The following EXOC1 variants were observed in gnomAD, a reference collection of about 807,000 sequenced individuals.
EXOC1 encodes the protein exocyst complex component 1.
A neutral mutation model predicts 107.7 loss-of-function variants in EXOC1; 67 were observed. The observed-to-expected ratio is 0.62, with a 90% CI of 0.51 to 0.76. The LOEUF (loss-of-function observed/expected upper bound fraction) is 0.76. Ranked by LOEUF, EXOC1 falls within the 30% of genes least tolerant of loss-of-function variation. The pLI, the probability that EXOC1 is intolerant of heterozygous loss-of-function variation, is 0.00. For missense variants in EXOC1, 833 were observed against 1,055.7 expected, an observed-to-expected ratio of 0.79 and a Z score of 2.92; for synonymous variants, 348 against 353.5, an observed-to-expected ratio of 0.98 and a Z score of 0.17.
intron 18 of EXOC1, among the ~76,000 whole-genome samples, chr4:55,902,846 C>T (rs1726129158): frequency 6.6e-6 from 1 of 151,918 alleles, no homozygotes; most frequent in Admixed American, 6.6e-5. Context: ...AATCTGGCTC[C>T]AGATTAAGCT....
intron 13 of EXOC1, 161 bp from the exon 14 acceptor site, chr4:55,892,474 A>C: frequency 1.6e-6 from 1 of 610,696 alleles, no homozygotes. Flanking sequence ...TAAATAGCAT[A>C]CTAAATTATA....
In EXOC1 at chr4:55,902,511, T is replaced by C; in HGVS notation, c.2505T>C (p.His835=). Residue 835 remains histidine, a synonymous_variant, in exon 18 of 19, where the codon CAT becomes CAC. Coordinates refer to ENST00000381295, the MANE Select transcript of EXOC1 (RefSeq NM_001024924.2). The stretch of plus-strand genomic sequence containing the variant: ...ACCTCTACAAGAAAGTTGATAAACA[T>C]TTATGTGAAGAAGAGAACTTACTTC... ...LDNLYKKVDK[H]LCEEENLLQV... 6.5e-7 allele frequency: 1 copy of C among 1,547,980 alleles called. No homozygotes were observed. The highest frequency in any genetic ancestry group is 8.7e-7 in the Non-Finnish European group (1 of 1,154,916).
chr4:55,873,313 C>G (rs1037695012), intron 8 of EXOC1, among the ~76,000 whole-genome samples: 2 of 152,008 alleles, frequency 1.3e-5, no homozygotes, highest in Non-Finnish European at 2.9e-5. Flanking sequence ...CAGAGAGATT[C>G]CCTTAACATT....
At chr4:55,872,811 G>T (rs1436667399) in intron 8 of EXOC1, 1 of 976,530 alleles carries the variant, frequency 1.0e-6, no homozygotes, top group African/African-American at 1.8e-5. Context: ...CGGTTCCTGT[G>T]AGTACATCAA....
At chr4:55,857,502 C>T (rs988994920) in intron 1 of EXOC1, among the ~76,000 whole-genome samples, 8 of 152,098 alleles carry the variant, frequency 5.3e-5, no homozygotes, top group African/African-American at 1.4e-4. Context: ...AATAATAATC[C>T]ATTGTATGGA....
rs773093805 is a variant in EXOC1, at chr4:55,902,420, A to G, written c.2414A>G (p.Asn805Ser). Residue 805 changes from asparagine (N) to serine (S), a missense_variant, in exon 18 of 19, where the codon AAC becomes AGC. Coordinates refer to ENST00000381295, the MANE Select transcript of EXOC1 (RefSeq NM_001024924.2). The part of the protein sequence containing the change: ...EEEVSYQLAF[N>S]KQELRKVIKE... ...GAAGTAAGTTACCAACTTGCATTTA[A>G]CAAACAAGAACTTCGTAAAGTCATT... The G allele has an allele frequency of 6.3e-7, 1 of 1,587,946 alleles. No homozygotes were observed. Among genetic ancestry groups the G allele is most frequent in the Non-Finnish European group, 8.6e-7 (1 of 1,168,952 alleles).
intron 8 of EXOC1, among the ~76,000 whole-genome samples, chr4:55,874,722 A>G (rs1038059329): frequency 1.3e-5 from 2 of 152,124 alleles, no homozygotes; most frequent in African/African-American, 4.8e-5. Flanking sequence ...GATCTTTCAG[A>G]TCTTACACAC....
chr4:55,877,220 T>TA (rs1560343329), intron 8 of EXOC1: 1 of 985,272 alleles, frequency 1.0e-6, no homozygotes, highest in African/African-American at 1.7e-5. Flanking sequence ...GGAAATGAGT[T>TA]AACTAGCTCC....
intron 8 of EXOC1, 30 bp from the exon 9 acceptor site, chr4:55,877,887 A>G (rs1487747233): frequency 1.9e-6 from 3 of 1,610,622 alleles, no homozygotes; most frequent in Non-Finnish European, 1.7e-6. Context: ...ACTGTTGATT[A>G]CATTTATTTA....
chr4:55,871,276 G>T, intron 7 of EXOC1, 43 bp downstream of exon 7: 1 of 1,580,852 alleles, frequency 6.3e-7, no homozygotes, highest in Non-Finnish European at 8.6e-7. Flanking sequence ...AAGAATGTGA[G>T]ACTAAGCCTG....
chr4:55,878,183 A>G, intron 9 of EXOC1, 117 bp downstream of exon 9: 1 of 1,162,078 alleles, frequency 8.6e-7, no homozygotes, highest in Non-Finnish European at 1.2e-6. Flanking sequence ...GCAAAGCAGA[A>G]AATGAGTCAG....
rs1725670540 is a variant in EXOC1, at chr4:55,899,680, T to C, written c.2138-5T>C. ...GTTATTTTATTTTTTCTGTTTTGGT[T>C]TTAGTGGAGAAAGTAGCAAATGAAA... On this transcript the variant is annotated splice_region_variant and splice_polypyrimidine_tract_variant and intron_variant, in intron 16 of 18. Coordinates refer to ENST00000381295, the MANE Select transcript of EXOC1 (RefSeq NM_001024924.2). 2 of 1,606,792 alleles carry C rather than the reference T, an allele frequency of 1.2e-6. No homozygotes were observed. Among genetic ancestry groups the C allele is most frequent in the Non-Finnish European group, 1.7e-6 (2 of 1,177,456 alleles).
chr4:55,897,036 C>T, intron 16 of EXOC1, 136 bp downstream of exon 16: 5 of 696,374 alleles, frequency 7.2e-6, no homozygotes, highest in Middle Eastern at 4.2e-4. Context: ...TTAAAGATTT[C>T]TTGAATTTGG....
At chr4:55,900,859 C>T (rs889886432) in intron 17 of EXOC1, among the ~76,000 whole-genome samples, 1 of 151,958 alleles carries the variant, frequency 6.6e-6, no homozygotes, top group African/African-American at 2.4e-5. Flanking sequence ...GCCTGGGCGA[C>T]AGAGCAAGAC....
In EXOC1 at chr4:55,871,095, T is replaced by C; in HGVS notation, c.832-6T>C. On this transcript the variant is annotated splice_polypyrimidine_tract_variant and splice_region_variant and intron_variant, in intron 6 of 18. Transcript: ENST00000381295. ...CATGCAAATGGTGTGTTTGCATATA[T>C]TCTAGAACCACATGGACTTGGCCAA... The C allele has an allele frequency of 6.2e-7, 1 of 1,613,284 alleles. No individual in the cohort carries two copies. Among genetic ancestry groups the C allele is most frequent in the South Asian group, 1.1e-5 (1 of 90,970 alleles).
chr4:55,868,605 C>A, intron 5 of EXOC1, 82 bp downstream of exon 5: 1 of 1,272,924 alleles, frequency 7.9e-7, no homozygotes, highest in Non-Finnish European at 1.1e-6. Flanking sequence ...ACTACCTCAG[C>A]ACTTAAGCCT....
At chr4:55,888,067 A>G (rs893085815) in intron 10 of EXOC1, among the ~76,000 whole-genome samples, 3 of 152,172 alleles carry the variant, frequency 2.0e-5, no homozygotes, top group Admixed American at 6.5e-5. Context: ...TTATTCTTTA[A>G]CATTCTGTTT....
Position 55,904,581 on chromosome 4 carries a change from A to G in EXOC1, c.*86A>G. 7.4e-7 allele frequency: 1 copy of G among 1,343,588 alleles called. No homozygotes were observed. 83.2% of individuals were successfully genotyped at this position (1,343,588 alleles called of 1,614,324 possible). On this transcript the variant is annotated 3_prime_UTR_variant, in exon 19 of 19. Coordinates refer to ENST00000381295, the MANE Select transcript of EXOC1 (RefSeq NM_001024924.2). The stretch of plus-strand genomic sequence containing the variant: ...AAAATACCAAGCAACTGTTTTGAGA[A>G]CCCAGACTTAAAATTTTATGTATTA...
chr4:55,869,431 A>G (rs529129142), intron 5 of EXOC1, among the ~76,000 whole-genome samples: 2 of 152,278 alleles, frequency 1.3e-5, no homozygotes, highest in South Asian at 2.1e-4. Flanking sequence ...GTAATCTAAA[A>G]TCATTTGGGT....
Sources: allele counts gnomAD v4.1 joint callset (sites outside exome capture counted in the v4.1 genomes callset), GRCh38; gene constraint gnomAD v4.1.1; transcripts MANE v1.5; gene names NCBI Gene and HGNC (gene_info 2026-07-23, HGNC 2026-07-21).